Variants in EFCAB5 observed in about 807,000 individuals in gnomAD.
The protein encoded by EFCAB5 is EF-hand calcium-binding domain-containing protein 5.
A neutral mutation model predicts 167.9 loss-of-function variants in EFCAB5; 131 were observed. The ratio of observed to expected loss-of-function variants is 0.78; its 90% CI spans 0.68 to 0.90. The LOEUF (loss-of-function observed/expected upper bound fraction) is 0.90. Among genes scored for constraint, EFCAB5 ranks in the 40% least tolerant of loss-of-function variants. EFCAB5 has a pLI of 0.00. For synonymous variants in EFCAB5, 574 were observed against 602.8 expected, an observed-to-expected ratio of 0.95 and a Z score of 0.70; for missense variants, 1,663 against 1,745.2, an observed-to-expected ratio of 0.95 and a Z score of 0.84.
intron 8 of EFCAB5, among the ~76,000 whole-genome samples, chr17:30,045,424 C>T (rs570910573): frequency 7.0e-6 from 1 of 143,172 alleles, no homozygotes; most frequent in Non-Finnish European, 1.5e-5. Context: ...TGCCACTAAA[C>T]TCCAGCCTGG....
At chr17:29,985,361 T>G (rs925742804) in intron 4 of EFCAB5, among the ~76,000 whole-genome samples, 1 of 152,204 alleles carries the variant, frequency 6.6e-6, no homozygotes, top group African/African-American at 2.4e-5. Context: ...ATGCTTGTTA[T>G]AAATGCATCT....
chr17:29,986,637 A>ATTTTTTTTTTT lies in EFCAB5; in HGVS notation c.768-6509_768-6499dup. On this transcript the variant is annotated intron_variant, in intron 4 of 22. Transcript: ENST00000394835. ...ATGCCTCAATTATAGGAGTATATTC[A>ATTTTTTTTTTT]TTTTTTTTTTTTTTTTTTTTTTTTT... Among the ~76,000 whole-genome samples, 79 of 58,072 alleles carry ATTTTTTTTTTT rather than the reference A, an allele frequency of 1.4e-3. 11 individuals carry two copies. The highest frequency in any genetic ancestry group is 3.5e-3 in the African/African-American group (50 of 14,266). 38.1% of individuals were successfully genotyped at this position (58,072 alleles called of 152,430 possible). A position where few individuals can be genotyped will look rare whatever the true frequency, so the allele number is the denominator to read the frequency against.
intron 7 of EFCAB5, among the ~76,000 whole-genome samples, chr17:30,015,124 G>A (rs2069002107): frequency 6.6e-6 from 1 of 152,050 alleles, no homozygotes; most frequent in African/African-American, 2.4e-5. Context: ...TTGAATATTG[G>A]CCCCCACACT....
At chr17:30,053,111 G>A in intron 9 of EFCAB5, 144 bp from the exon 10 acceptor site, 2 of 947,120 alleles carry the variant, frequency 2.1e-6, no homozygotes, top group Non-Finnish European at 3.0e-6. Flanking sequence ...TTGTGTTGCA[G>A]CCAAAGATAA....
intron 3 of EFCAB5, among the ~76,000 whole-genome samples, chr17:29,958,283 T>G (rs1032466115): frequency 6.6e-6 from 1 of 152,196 alleles, no homozygotes; most frequent in Non-Finnish European, 1.5e-5. Flanking sequence ...ACTCTTAACT[T>G]GGTCCTTTTG....
intron 13 of EFCAB5, among the ~76,000 whole-genome samples, chr17:30,058,579 C>G (rs1046287572): frequency 1.3e-5 from 2 of 151,934 alleles, no homozygotes; most frequent in Admixed American, 1.3e-4. Context: ...TATAATTAAC[C>G]TAGTGAAAAC....
At chr17:29,963,482 TA>T (rs1305037329) in intron 3 of EFCAB5, among the ~76,000 whole-genome samples, 2 of 152,360 alleles carry the variant, frequency 1.3e-5, no homozygotes, top group African/African-American at 4.8e-5. Context: ...TTTGCATCTA[TA>T]TTCATAAGGA....
chr17:29,930,091 C>A, intron 1 of EFCAB5: 1 of 115,308 alleles, frequency 8.7e-6, no homozygotes, highest in Non-Finnish European at 1.8e-5. Context: ...GAAAGGGGTG[C>A]GGGGTGGGGG....
chr17:30,095,777 A>G (rs1371383383), intron 22 of EFCAB5, among the ~76,000 whole-genome samples: 1 of 152,206 alleles, frequency 6.6e-6, no homozygotes, highest in African/African-American at 2.4e-5. Flanking sequence ...CACCAAGAAC[A>G]TTGTTCTGTC....
intron 7 of EFCAB5, among the ~76,000 whole-genome samples, chr17:30,014,830 A>G (rs961088881): frequency 6.6e-6 from 1 of 152,074 alleles, no homozygotes; most frequent in Non-Finnish European, 1.5e-5. Context: ...TGTGAATTTG[A>G]TCCTGTCATT....
intron 10 of EFCAB5, among the ~76,000 whole-genome samples, chr17:30,055,032 T>G (rs1447453305): frequency 6.6e-6 from 1 of 152,096 alleles, no homozygotes; most frequent in African/African-American, 2.4e-5. Flanking sequence ...GCATGGTGGC[T>G]CATGCCTGTA....
upstream of EFCAB5, among the ~76,000 whole-genome samples, chr17:29,939,425 C>G (rs1158897215): frequency 6.6e-6 from 1 of 152,214 alleles, no homozygotes; most frequent in East Asian, 1.9e-4. Context: ...TAGCCCCAAA[C>G]AAGAGAGTGA....
chr17:30,059,610 C>G lies in EFCAB5; in HGVS notation c.2646C>G (p.Asp882Glu). 2 of 1,611,714 alleles carry G rather than the reference C, an allele frequency of 1.2e-6. No individual in the cohort carries two copies. Among genetic ancestry groups the G allele is most frequent in the Non-Finnish European group, 1.7e-6 (2 of 1,178,368 alleles). ...LLLEAIFQKW[D>E]SDGSGFLDLK... Reference sequence around the variant, plus strand: ...TAGAAGCCATCTTTCAGAAGTGGGACAGTGATGGCTCAGGCTTCCTGGATC... The same window carrying G: ...TAGAAGCCATCTTTCAGAAGTGGGAGAGTGATGGCTCAGGCTTCCTGGATC... Residue 882 changes from aspartate (D) to glutamate (E), a missense_variant, in exon 14 of 23, where the codon GAC (aspartate) becomes GAG (glutamate). Asp to Glu is a conservative substitution (Grantham distance 45). Transcript: ENST00000394835.
chr17:30,088,662 A>G (rs1391304014), intron 19 of EFCAB5, among the ~76,000 whole-genome samples: 3 of 152,232 alleles, frequency 2.0e-5, no homozygotes, highest in Admixed American at 2.0e-4. Context: ...AATGTGTACA[A>G]ATGTAAACAG....
rs1210295719 is a variant in EFCAB5 at position 30,053,728 on chromosome 17, T to C, written c.1774T>C (p.Ser592Pro). ...SIEGQGPRRVSVSEQGSSRES... is the reference protein window; with the variant it reads ...SIEGQGPRRVPVSEQGSSRES... ...AGAAGGACAAGGACCACGCAGAGTG[T>C]CAGTTTCAGAACAAGGATCAAGCAG... is the stretch of plus-strand genomic sequence containing the variant. Residue 592 changes from serine (S) to proline (P), a missense_variant, in exon 10 of 23, where the codon TCA (serine) becomes CCA (proline). By Grantham distance (74) the Ser-to-Pro change is moderately conservative. Coordinates refer to ENST00000394835, the MANE Select transcript of EFCAB5 (RefSeq NM_198529.4). 6.2e-7 allele frequency: 1 copy of C among 1,613,746 alleles called. No individual in the cohort carries two copies. Among genetic ancestry groups the C allele is most frequent in the Non-Finnish European group, 8.5e-7 (1 of 1,179,878 alleles).
chr17:29,987,979 A>G (rs930174080), intron 4 of EFCAB5, among the ~76,000 whole-genome samples: 5 of 152,168 alleles, frequency 3.3e-5, no homozygotes, highest in Non-Finnish European at 7.4e-5. Flanking sequence ...TTAGGTTCCA[A>G]TCCTCGAGGA....
upstream of EFCAB5, among the ~76,000 whole-genome samples, chr17:29,938,254 G>A (rs535644454): frequency 6.6e-6 from 1 of 152,146 alleles, no homozygotes; most frequent in Non-Finnish European, 1.5e-5. Context: ...TCTATTAAGT[G>A]TGCAGTAGGA....
intron 8 of EFCAB5, among the ~76,000 whole-genome samples, chr17:30,042,986 T>A (rs1030756309): frequency 4.6e-5 from 7 of 152,076 alleles, no homozygotes; most frequent in Non-Finnish European, 8.8e-5. Flanking sequence ...TGGTTTAACA[T>A]TCAAAAATCA....
intron 7 of EFCAB5, among the ~76,000 whole-genome samples, chr17:30,021,271 A>G (rs2069171777): frequency 6.7e-6 from 1 of 150,052 alleles, no homozygotes; most frequent in Non-Finnish European, 1.5e-5. Flanking sequence ...ACTATTAGGT[A>G]TATATCACCT....
Sources: gnomAD v4.1 joint callset for allele counts (sites outside exome capture counted in the v4.1 genomes callset) on GRCh38, gnomAD v4.1.1 for gene constraint, MANE v1.5 for transcripts, NCBI Gene and HGNC (gene_info 2026-07-23, HGNC 2026-07-21) for gene names.